PGM5: variants seen among roughly 807,000 people sequenced by gnomAD.
PGM5 encodes phosphoglucomutase-like protein 5.
PGM5 carries 23 observed loss-of-function variants against 59.2 expected under a neutral mutation model. The observed-to-expected ratio is 0.39, with a 90% confidence interval of 0.28 to 0.55. The LOEUF is 0.55. Among genes scored for constraint, PGM5 ranks in the 20% least tolerant of loss-of-function variants. PGM5 has a pLI of 0.66. For missense variants in PGM5, 574 were observed against 748.3 expected, an observed-to-expected ratio of 0.77 and a Z score of 2.72; for synonymous variants, 214 against 286.0, an observed-to-expected ratio of 0.75 and a Z score of 2.54.
At chr9:68,494,874 G>A (rs941015864) in intron 9 of PGM5, among the ~76,000 whole-genome samples, 3 of 152,230 alleles carry the variant, frequency 2.0e-5, no homozygotes, top group Admixed American at 6.5e-5. Context: ...CATGAAGAAC[G>A]TGCATGTGTT....
intron 6 of PGM5, among the ~76,000 whole-genome samples, chr9:68,422,275 G>A (rs2132048603): frequency 6.6e-6 from 1 of 152,170 alleles, no homozygotes; most frequent in South Asian, 2.1e-4. Context: ...GGGTTTGCCT[G>A]GGAACTCCAT....
In PGM5 at chr9:68,356,935, G is replaced by A. The variant is rs1268889846; in HGVS notation, c.-193G>A. 1.3e-5 allele frequency: 6 copies of A among 472,006 alleles called. No individual in the cohort carries two copies. The highest frequency in any genetic ancestry group is 1.0e-4 in the African/African-American group (5 of 48,618). 29.2% of individuals were successfully genotyped at this position (472,006 alleles called of 1,614,324 possible). The stretch of plus-strand genomic sequence containing the variant: ...GCAATCTCTGCCGAGAGAGTCAGCC[G>A]AGCGGCCGCGCGGAGAGGAGGGGCG... On this transcript the variant is annotated 5_prime_UTR_variant, in exon 1 of 11. Coordinates refer to ENST00000396396, the MANE Select transcript of PGM5 (RefSeq NM_021965.4).
chr9:68,357,581 A>G, intron 1 of PGM5, 193 bp downstream of exon 1: 3 of 868,054 alleles, frequency 3.5e-6, no homozygotes, highest in South Asian at 1.8e-5. Flanking sequence ...CACCCCGGAC[A>G]CTGGGTTCTA....
At chr9:68,486,943 T>C (rs1048253347) in intron 9 of PGM5, among the ~76,000 whole-genome samples, 16 of 152,238 alleles carry the variant, frequency 1.1e-4, no homozygotes, top group Non-Finnish European at 2.2e-4. Context: ...CTTGTTATTA[T>C]GTCTTTGTGA....
intron 10 of PGM5, among the ~76,000 whole-genome samples, chr9:68,499,675 G>A (rs1329296237): frequency 6.6e-6 from 1 of 152,156 alleles, no homozygotes; most frequent in Non-Finnish European, 1.5e-5. Context: ...AGGAAATTTA[G>A]CGTTAGAGTC....
intron 7 of PGM5, 93 bp from the exon 8 acceptor site, chr9:68,479,325 A>T: frequency 8.7e-7 from 1 of 1,154,326 alleles, no homozygotes; most frequent in East Asian, 2.4e-5. Context: ...ATTTCTACAT[A>T]ACATTCAATC....
chr9:68,382,053 C>T (rs1341471392), intron 2 of PGM5, among the ~76,000 whole-genome samples: 1 of 150,986 alleles, frequency 6.6e-6, no homozygotes, highest in Non-Finnish European at 1.5e-5. Flanking sequence ...GTTTGGAGCC[C>T]CCAAAAACCA....
intron 10 of PGM5, among the ~76,000 whole-genome samples, chr9:68,510,397 C>T (rs571067429): frequency 1.3e-5 from 2 of 152,190 alleles, no homozygotes; most frequent in East Asian, 1.9e-4. Context: ...GTGATCCGCC[C>T]ACCTCAGCCT....
intron 6 of PGM5, among the ~76,000 whole-genome samples, chr9:68,425,657 T>C (rs545976194): frequency 6.6e-6 from 1 of 152,152 alleles, no homozygotes; most frequent in East Asian, 1.9e-4. Context: ...ACATGCTAAA[T>C]ATTCTGGGTA....
At chr9:68,360,650 A>G (rs1382552744) in intron 1 of PGM5, among the ~76,000 whole-genome samples, 2 of 151,964 alleles carry the variant, frequency 1.3e-5, no homozygotes, top group African/African-American at 4.8e-5. Context: ...TCAGAAAAGC[A>G]GAGAGATGAG....
At chr9:68,525,980 C>T (rs1824966632) in intron 10 of PGM5, among the ~76,000 whole-genome samples, 3 of 151,554 alleles carry the variant, frequency 2.0e-5, no homozygotes, top group Admixed American at 2.0e-4. Context: ...GGCGTGAACC[C>T]GGGAGGCGGA....
chr9:68,454,577 G>A (rs1554684651), intron 6 of PGM5, among the ~76,000 whole-genome samples: 1 of 152,190 alleles, frequency 6.6e-6, no homozygotes, highest in African/African-American at 2.4e-5. Flanking sequence ...TGGGGATCCA[G>A]GGCTCCCAGG....
intron 9 of PGM5, among the ~76,000 whole-genome samples, chr9:68,493,438 T>C (rs1211658995): frequency 6.6e-6 from 1 of 152,248 alleles, no homozygotes; most frequent in African/African-American, 2.4e-5. Context: ...TAGTTGCATA[T>C]GGTTCAACCT....
At chr9:68,375,809 C>T (rs1217266638) in intron 1 of PGM5, among the ~76,000 whole-genome samples, 22 of 152,156 alleles carry the variant, frequency 1.4e-4, no homozygotes, top group African/African-American at 5.1e-4. Context: ...ATAGGGCTGT[C>T]AAGGGTGCTA....
intron 6 of PGM5, among the ~76,000 whole-genome samples, chr9:68,409,007 T>C (rs1274420864): frequency 2.6e-5 from 4 of 152,086 alleles, no homozygotes; most frequent in African/African-American, 9.7e-5. Flanking sequence ...AGTCAGGTAG[T>C]GTGATGCCTC....
chr9:68,476,116 G>A (rs781966528), intron 7 of PGM5, among the ~76,000 whole-genome samples: 4 of 152,054 alleles, frequency 2.6e-5, no homozygotes, highest in African/African-American at 9.7e-5. Context: ...AAAATAGCTG[G>A]GTCGAAAGCT....
chr9:68,366,923 T>C (rs1330409851), intron 1 of PGM5, among the ~76,000 whole-genome samples: 1 of 152,234 alleles, frequency 6.6e-6, no homozygotes, highest in Non-Finnish European at 1.5e-5. Context: ...TGTGTTTTTG[T>C]CCCAGTAGCT....
At chr9:68,507,785 C>A (rs1470655734) in intron 10 of PGM5, among the ~76,000 whole-genome samples, 2 of 152,038 alleles carry the variant, frequency 1.3e-5, no homozygotes, top group African/African-American at 2.4e-5. Flanking sequence ...GAAAGGCAGA[C>A]AAAACGCCAG....
chr9:68,508,957 G>A (rs1824701349), intron 10 of PGM5, among the ~76,000 whole-genome samples: 1 of 152,200 alleles, frequency 6.6e-6, no homozygotes, highest in Non-Finnish European at 1.5e-5. Context: ...GACTGACAGT[G>A]AACCTGGAGG....
Sources: gnomAD v4.1 joint callset for allele counts (sites outside exome capture counted in the v4.1 genomes callset) on GRCh38, gnomAD v4.1.1 for gene constraint, MANE v1.5 for transcripts, NCBI Gene and HGNC (gene_info 2026-07-23, HGNC 2026-07-21) for gene names.